The following TSC22D4 variants were observed in gnomAD, a reference collection of about 807,000 sequenced individuals.
TSC22D4 encodes the protein TSC22 domain family member 4, also known as TSC22 domain family protein 4.
In TSC22D4, 5 loss-of-function variants were observed where a neutral mutation model predicts 24.9. The ratio of observed to expected loss-of-function variants is 0.20; its 90% confidence interval spans 0.10 to 0.42. The LOEUF (loss-of-function observed/expected upper bound fraction) is 0.42, where lower values mean the gene tolerates loss of function less well. TSC22D4 is among the 10% of genes least tolerant of loss of function. The probability of loss-of-function intolerance (pLI) is 1.00; values close to 1 mark genes in which losing one functional copy is unlikely to be tolerated. For synonymous variants in TSC22D4, 245 were observed against 243.2 expected, an observed-to-expected ratio of 1.01 and a Z score of -0.07; for missense variants, 469 against 547.9, an observed-to-expected ratio of 0.86 and a Z score of 1.44.
In TSC22D4 at chr7:100,477,975, G is replaced by T; in HGVS notation, c.64C>A (p.Pro22Thr). Residue 22 changes from proline to threonine, a missense_variant, in exon 2 of 5, where the codon CCT (proline) becomes ACT (threonine). Coordinates refer to ENST00000300181, the MANE Select transcript of TSC22D4 (RefSeq NM_030935.5). This position sits in a 1 kb window ranked among gnomAD's most constrained non-coding sequence, Gnocchi z 7.8. ...ITSVTTDYEG[P>T]GSPGASDPPT... ...GGATCCGAAGCCCCTGGGCTCCCAGGGCCCTCATAGTCCGTGGTGACGCTG... is the reference window on the plus strand; with the variant it reads ...GGATCCGAAGCCCCTGGGCTCCCAGTGCCCTCATAGTCCGTGGTGACGCTG... The T allele has an allele frequency of 1.3e-6, 2 of 1,578,956 alleles. No individual in the cohort carries two copies. Among genetic ancestry groups the T allele is most frequent in the East Asian group, 4.6e-5 (2 of 43,806 alleles).
rs372924648 is a variant in TSC22D4, at chr7:100,469,425, G to A, written c.930-1825C>T. ...GTCTGGGAAGTGGCCACCAGAGGGC[G>A]ACTCAGGCCTGGCTCAACAGCCCCC... On this transcript the variant is annotated intron_variant, in intron 3 of 4. Coordinates refer to ENST00000300181, the MANE Select transcript of TSC22D4 (RefSeq NM_030935.5). 1.1e-3 allele frequency among the ~76,000 whole-genome samples: 169 copies of A among 152,176 alleles called. 1 individual carries two copies. The highest frequency in any genetic ancestry group is 3.7e-3 in the African/African-American group (153 of 41,530).
rs1232733647 is a variant in TSC22D4 at position 100,466,804 on chromosome 7, G to A, written c.*155C>T. On this transcript the variant is annotated 3_prime_UTR_variant, in exon 5 of 5. Transcript: ENST00000300181. ...CTCCTCCATCAAGGCTGGGGATGAT[G>A]AGGAGATGGGGCAGGGGCCGGGGGA... 5 of 749,150 alleles carry A rather than the reference G, an allele frequency of 6.7e-6. No individual in the cohort carries two copies. Among genetic ancestry groups the A allele is most frequent in the Middle Eastern group, 7.9e-4 (2 of 2,536 alleles). The allele number at this position is 749,150 out of a possible 1,614,324, so 46.4% of individuals were successfully genotyped here.
At chr7:100,468,863 G>A (rs1306876329) in intron 3 of TSC22D4, among the ~76,000 whole-genome samples, 3 of 152,026 alleles carry the variant, frequency 2.0e-5, no homozygotes, top group Non-Finnish European at 2.9e-5. Flanking sequence ...CTTGAACCCA[G>A]GAGGTGGAGG....
At chr7:100,469,694 C>G (rs1306874810) in intron 3 of TSC22D4, among the ~76,000 whole-genome samples, 3 of 152,200 alleles carry the variant, frequency 2.0e-5, no homozygotes, top group African/African-American at 7.2e-5. Context: ...CCAGCTGGGC[C>G]CCCCTTGGAG....
chr7:100,468,362 G>C (rs968138132), intron 3 of TSC22D4, among the ~76,000 whole-genome samples: 2 of 152,162 alleles, frequency 1.3e-5, no homozygotes, highest in Non-Finnish European at 2.9e-5. Flanking sequence ...AGAGGAAGGG[G>C]CTGGCCTTCG....
intron 3 of TSC22D4, among the ~76,000 whole-genome samples, chr7:100,473,543 G>A (rs1381024611): frequency 6.6e-6 from 1 of 151,864 alleles, no homozygotes; most frequent in Admixed American, 6.6e-5. Flanking sequence ...CTGGGTTCAA[G>A]TGATTCTCCT....
intron 3 of TSC22D4, 114 bp from the exon 4 acceptor site, chr7:100,467,714 G>T: frequency 9.2e-7 from 1 of 1,083,896 alleles, no homozygotes; most frequent in Non-Finnish European, 1.4e-6. Flanking sequence ...TAGAGAATGA[G>T]GGAGAGGAGG....
At chr7:100,468,697 G>A (rs1799335935) in intron 3 of TSC22D4, among the ~76,000 whole-genome samples, 1 of 152,230 alleles carries the variant, frequency 6.6e-6, no homozygotes, top group African/African-American at 2.4e-5. Context: ...AGCACTTTGG[G>A]AGGCCAAGGT....
Position 100,477,006 on chromosome 7 carries a change from C to T in TSC22D4, c.762+271G>A, listed in dbSNP as rs1453579584. 6.6e-6 allele frequency among the ~76,000 whole-genome samples: 1 copy of T among 152,036 alleles called. No individual in the cohort carries two copies. ...ACAGAAGAAGGCCTGATGAGGGGGC[C>T]ACATATGCTACAGGCTACATGAAGA... On this transcript the variant is annotated intron_variant, in intron 2 of 4. Transcript: ENST00000300181. This position sits in a 1 kb window ranked among gnomAD's most constrained non-coding sequence, Gnocchi z 7.8.
Position 100,467,162 on chromosome 7 carries a change from C to A in TSC22D4, c.985G>T (p.Val329Leu). ...DNKIEQAMDLVKSHLMFAVRE... is the reference protein window; with the variant it reads ...DNKIEQAMDLLKSHLMFAVRE... ...ACCGCAAACATGAGGTGGGACTTCA[C>A]CAAGTCCTGGGGGCCCCGGGACAGG... is the stretch of plus-strand genomic sequence containing the variant. Residue 329 changes from valine to leucine, a missense_variant, in exon 5 of 5, where the codon GTG becomes TTG. Val to Leu is a conservative substitution (Grantham distance 32, BLOSUM62 1). Transcript: ENST00000300181. 6.2e-7 allele frequency: 1 copy of A among 1,614,156 alleles called. No homozygotes were observed. The highest frequency in any genetic ancestry group is 8.5e-7 in the Non-Finnish European group (1 of 1,180,040).
intron 2 of TSC22D4, among the ~76,000 whole-genome samples, chr7:100,476,449 C>T (rs950493762): frequency 1.3e-5 from 2 of 152,156 alleles, no homozygotes; most frequent in Non-Finnish European, 2.9e-5. Flanking sequence ...TATATTCTCC[C>T]ACAGGACAGA....
At position 100,477,882 on chromosome 7, in the gene TSC22D4, C is replaced by G. The variant is rs773455361; in HGVS notation, c.157G>C (p.Gly53Arg). Residue 53 changes from glycine (G) to arginine (R), a missense_variant, in exon 2 of 5, where the codon GGG becomes CGG. By Grantham distance (125) the Gly-to-Arg change is moderately radical. Coordinates refer to ENST00000300181, the MANE Select transcript of TSC22D4 (RefSeq NM_030935.5). The surrounding 1 kb of genome is among the most constrained non-coding windows in gnomAD (Gnocchi z 7.8). ...CCATTCCGGGGGGTGCCCTTGCCCC[C>G]CGGATCGGGGCTGGGCTCCCCATTG... is the stretch of plus-strand genomic sequence containing the variant. Reference protein sequence around the residue: ...LPNGEPSPDPGGKGTPRNGSP... With the variant: ...LPNGEPSPDPRGKGTPRNGSP... 3.4e-5 allele frequency: 53 copies of G among 1,578,102 alleles called. No homozygotes were observed. In the East Asian group the frequency reaches 1.2e-3, roughly 36 times the overall value.
Position 100,467,039 on chromosome 7 carries a change from T to G in TSC22D4, c.1108A>C (p.Ser370Arg), listed in dbSNP as rs1799291876. The change falls in exon 5 of 5, where the codon AGC becomes CGC. Residue 370 changes from serine to arginine, a missense_variant. Coordinates refer to ENST00000300181, the MANE Select transcript of TSC22D4 (RefSeq NM_030935.5). ...QENGLLRALA[S>R]PEQLAQLPSS... The stretch of plus-strand genomic sequence containing the variant: ...GGCAGCTGAGCCAGCTGCTCCGGGC[T>G]GGCCAGGGCGCGCAGCAGCCCATTC... The G allele has an allele frequency of 6.2e-7, 1 of 1,613,226 alleles. No homozygotes were observed.
rs117837797 is a variant in TSC22D4 at position 100,478,655 on chromosome 7, A to G, written c.-270+139T>C. 908 of 152,878 alleles carry G rather than the reference A, an allele frequency of 5.9e-3. 20 individuals carry two copies. In the East Asian group the frequency reaches 0.067, roughly 11 times the overall value. The allele number at this position is 152,878 out of a possible 1,614,324, so 9.5% of individuals were successfully genotyped here. ...CCAGGGCCTGGGAGAACCAGGCTGA[A>G]GCAGCTCCCCAGCCTGGCCCGGCCA... is the stretch of plus-strand genomic sequence containing the variant. On this transcript the variant is annotated intron_variant, in intron 1 of 4. Transcript: ENST00000300181.
In TSC22D4 at chr7:100,474,294, G is replaced by T; in HGVS notation, c.909C>A (p.His303Gln). 1 of 1,614,034 alleles carries T rather than the reference G, an allele frequency of 6.2e-7. No individual in the cohort carries two copies. The highest frequency in any genetic ancestry group is 1.1e-5 in the South Asian group (1 of 91,080). The change falls in exon 3 of 5, where the codon CAC (histidine) becomes CAA (glutamine). Residue 303 changes from histidine (H) to glutamine (Q), a missense_variant. Physicochemically the swap from His to Gln is conservative, Grantham distance 24. Transcript: ENST00000300181. This position sits in a 1 kb window ranked among gnomAD's most constrained non-coding sequence, Gnocchi z 4.3. ...CCTACCTATCATCGTCGCTGTCTAG[G>T]TGACCACTGATGGCCAACATGGAGT... ...LAHSMLAISG[H>Q]LDSDDDSGSG... is the part of the protein sequence containing the mutation.
At chr7:100,467,480 G>C in intron 4 of TSC22D4, 72 bp downstream of exon 4, 2 of 1,517,984 alleles carry the variant, frequency 1.3e-6, no homozygotes, top group Non-Finnish European at 1.8e-6. Context: ...TGGTAAGGAA[G>C]AGGACAGGGC....
At chr7:100,468,652 A>G (rs1363885661) in intron 3 of TSC22D4, among the ~76,000 whole-genome samples, 1 of 152,224 alleles carries the variant, frequency 6.6e-6, no homozygotes, top group Non-Finnish European at 1.5e-5. Context: ...AATACAGCGT[A>G]AAGGCCAGGC....
chr7:100,467,223 C>A, intron 4 of TSC22D4, 55 bp from the exon 5 acceptor site: 1 of 1,570,514 alleles, frequency 6.4e-7, no homozygotes, highest in Non-Finnish European at 8.8e-7. Context: ...CATCCCCTGC[C>A]CAGTGCCTTG....
At position 100,477,628 on chromosome 7, in the gene TSC22D4, G is replaced by A; in HGVS notation, c.411C>T (p.Ala137=). 1 of 1,597,066 alleles carries A rather than the reference G, an allele frequency of 6.3e-7. No individual in the cohort carries two copies. Among genetic ancestry groups the A allele is most frequent in the Non-Finnish European group, 8.5e-7 (1 of 1,175,574 alleles). Residue 137 remains alanine, a synonymous_variant, in exon 2 of 5, where the codon GCC becomes GCT. Transcript: ENST00000300181. The surrounding 1 kb of genome is among the most constrained non-coding windows in gnomAD (Gnocchi z 7.8). The part of the protein sequence containing the change: ...RLELASLGLG[A]PTPPSGLSQG... ...GAGACAGGCCTGACGGTGGGGTGGG[G>A]GCGCCCAGGCCGAGGCTGGCCAGCT...
Sources: gnomAD v4.1 joint callset for allele counts (sites outside exome capture counted in the v4.1 genomes callset) on GRCh38, gnomAD v4.1.1 for gene constraint, Gnocchi (gnomAD v3.1) non-coding constraint, MANE v1.5 for transcripts, NCBI Gene and HGNC (gene_info 2026-07-23, HGNC 2026-07-21) for gene names.